The following COG5 variants were observed in gnomAD, a reference collection of about 807,000 sequenced individuals.
COG5 encodes the protein component of oligomeric golgi complex 5, also known as conserved oligomeric Golgi complex subunit 5.
Under a neutral mutation model 110.4 loss-of-function variants are expected in COG5, and 86 were observed. The observed-to-expected ratio is 0.78, with a 90% CI of 0.65 to 0.93. The LOEUF is 0.93. Among genes scored for constraint, COG5 ranks in the 40% least tolerant of loss-of-function variants. The probability of loss-of-function intolerance (pLI) is 0.00; values close to 1 mark genes in which losing one functional copy is unlikely to be tolerated. For missense variants in COG5, 1,077 were observed against 987.0 expected (o/e 1.09, Z -1.22); for synonymous variants, 360 against 334.6 (o/e 1.08, Z -0.83).
Position 107,281,292 on chromosome 7 carries a change from C to T in COG5, c.1575+8G>A, listed in dbSNP as rs1805144118. On this transcript the variant is annotated splice_region_variant and intron_variant, in intron 14 of 21. Coordinates refer to ENST00000297135, the MANE Select transcript of COG5 (RefSeq NM_006348.5). ...CATTAAAGTTTACAGATAAAGGAAA[C>T]CACTTACAAGCTGCTCTGATTTTAC... 1 of 1,582,212 alleles carries T rather than the reference C, an allele frequency of 6.3e-7. No homozygotes were observed. The highest frequency in any genetic ancestry group is 1.3e-5 in the African/African-American group (1 of 74,322).
chr7:107,448,791 G>A (rs1795160061), intron 6 of COG5, among the ~76,000 whole-genome samples: 1 of 151,764 alleles, frequency 6.6e-6, no homozygotes, highest in Admixed American at 6.6e-5. Flanking sequence ...AATTTTTTTG[G>A]AGATCTGATG....
At chr7:107,325,476 C>A (rs904799763) in intron 10 of COG5, among the ~76,000 whole-genome samples, 1 of 152,064 alleles carries the variant, frequency 6.6e-6, no homozygotes, top group Non-Finnish European at 1.5e-5. Context: ...CATGGTGAAA[C>A]CCTGTCTCTA....
At chr7:107,411,277 T>C (rs1792273393) in intron 7 of COG5, among the ~76,000 whole-genome samples, 2 of 152,228 alleles carry the variant, frequency 1.3e-5, no homozygotes, top group African/African-American at 2.4e-5. Flanking sequence ...GTTTGATTAA[T>C]AGAGTTATCT....
intron 7 of COG5, among the ~76,000 whole-genome samples, chr7:107,390,323 T>C (rs1010154638): frequency 2.4e-4 from 37 of 152,218 alleles, no homozygotes; most frequent in African/African-American, 8.4e-4. Flanking sequence ...TGGCCAAAAA[T>C]GTGTCTAATG....
At chr7:107,479,987 C>T (rs1174495278) in intron 6 of COG5, among the ~76,000 whole-genome samples, 1 of 152,116 alleles carries the variant, frequency 6.6e-6, no homozygotes, top group Non-Finnish European at 1.5e-5. Context: ...GGGCATCCAT[C>T]CAACTCTTTA....
At chr7:107,304,138 C>G (rs779093157) in intron 11 of COG5, among the ~76,000 whole-genome samples, 1 of 152,160 alleles carries the variant, frequency 6.6e-6, no homozygotes, top group Non-Finnish European at 1.5e-5. Context: ...TTTTATTCCC[C>G]TATCTTTGTC....
At chr7:107,535,571 T>C (rs990199659) in intron 5 of COG5, among the ~76,000 whole-genome samples, 1 of 147,882 alleles carries the variant, frequency 6.8e-6, no homozygotes, top group Non-Finnish European at 1.5e-5. Context: ...AAGAAATGGA[T>C]ACATTCCTGG....
At chr7:107,506,506 T>A (rs550410834) in intron 6 of COG5, among the ~76,000 whole-genome samples, 1 of 152,234 alleles carries the variant, frequency 6.6e-6, no homozygotes, top group Non-Finnish European at 1.5e-5. Context: ...ACTGGGGTAA[T>A]GTTCCAGAGA....
chr7:107,306,988 G>A (rs948046234), intron 11 of COG5, among the ~76,000 whole-genome samples: 1 of 151,988 alleles, frequency 6.6e-6, no homozygotes, highest in Admixed American at 6.6e-5. Context: ...TTCCTCTTAG[G>A]ATCAATAAAA....
At chr7:107,435,842 C>A (rs983063340) in intron 6 of COG5, among the ~76,000 whole-genome samples, 3 of 152,020 alleles carry the variant, frequency 2.0e-5, no homozygotes, top group Non-Finnish European at 4.4e-5. Flanking sequence ...TATTTGTAAG[C>A]CCATATTCAT....
At chr7:107,563,551 G>GC (rs370696952) in intron 1 of COG5, 29 of 498,088 alleles carry the variant, frequency 5.8e-5, no homozygotes, top group South Asian at 2.2e-4. Context: ...GCATGGGGGG[G>GC]GGGGGGGTCG....
rs574511381 is a variant in COG5 at position 107,397,000 on chromosome 7, A to G, written c.669+15502T>C. Among the ~76,000 whole-genome samples the G allele has an allele frequency of 7.2e-5, 11 of 152,298 alleles. No individual in the cohort carries two copies. In the Middle Eastern group the frequency reaches 0.01, roughly 141 times the overall value. The stretch of plus-strand genomic sequence containing the variant: ...TTATGGCAAGCATTATGTATTAGCT[A>G]TTGCCCAAAACTACTTTCTTCTTTT... On this transcript the variant is annotated intron_variant, in intron 7 of 21. Transcript: ENST00000297135.
intron 16 of COG5, among the ~76,000 whole-genome samples, chr7:107,251,468 T>C (rs1171083818): frequency 6.6e-6 from 1 of 152,130 alleles, no homozygotes; most frequent in Non-Finnish European, 1.5e-5. Flanking sequence ...CATTCTTTTG[T>C]TTCTTTTCTT....
chr7:107,382,667 G>A (rs1815228863), intron 7 of COG5, among the ~76,000 whole-genome samples: 2 of 152,086 alleles, frequency 1.3e-5, no homozygotes, highest in Non-Finnish European at 2.9e-5. Flanking sequence ...TTGAACTCCT[G>A]ACCTCAAGTG....
chr7:107,222,829 A>T (rs1367843064), intron 19 of COG5, among the ~76,000 whole-genome samples: 1 of 152,216 alleles, frequency 6.6e-6, no homozygotes, highest in Non-Finnish European at 1.5e-5. Flanking sequence ...ATATAGCAGC[A>T]CTTTCAAGGG....
At chr7:107,422,730 A>G (rs1167527440) in intron 6 of COG5, among the ~76,000 whole-genome samples, 1 of 147,500 alleles carries the variant, frequency 6.8e-6, no homozygotes, top group Non-Finnish European at 1.5e-5. Context: ...GTGTGTGTTT[A>G]TGTGTCTGTG....
At chr7:107,212,456 G>A (rs540373084) in intron 19 of COG5, among the ~76,000 whole-genome samples, 1 of 152,334 alleles carries the variant, frequency 6.6e-6, no homozygotes, top group South Asian at 2.1e-4. Flanking sequence ...GATAATTCAA[G>A]TATCTAAACA....
At chr7:107,342,947 G>C (rs150584239) in intron 10 of COG5, among the ~76,000 whole-genome samples, 80 of 152,258 alleles carry the variant, frequency 5.3e-4, no homozygotes, top group Non-Finnish European at 9.3e-4. Flanking sequence ...ATTCGCAATA[G>C]CAAAGACAGA....
At chr7:107,371,400 G>A (rs990441945) in intron 8 of COG5, among the ~76,000 whole-genome samples, 3 of 151,428 alleles carry the variant, frequency 2.0e-5, no homozygotes, top group Non-Finnish European at 4.4e-5. Context: ...GACCAACTGG[G>A]GCAACATAGC....
Sources: gnomAD v4.1 joint callset for allele counts (sites outside exome capture counted in the v4.1 genomes callset) on GRCh38, gnomAD v4.1.1 for gene constraint, MANE v1.5 for transcripts, NCBI Gene and HGNC (gene_info 2026-07-23, HGNC 2026-07-21) for gene names.